The following PRKCH variants were observed in gnomAD, a reference collection of about 807,000 sequenced individuals.
The protein encoded by PRKCH is protein kinase C eta type.
PRKCH carries 28 observed loss-of-function variants against 82.5 expected under a neutral mutation model. The observed-to-expected ratio is 0.34, with a 90% CI of 0.25 to 0.47. The LOEUF is 0.47. Among genes scored for constraint, PRKCH ranks in the 20% least tolerant of loss-of-function variants. PRKCH has a pLI of 1.00. For missense variants in PRKCH, 705 were observed against 881.8 expected (o/e 0.80, Z 2.54); for synonymous variants, 322 against 327.4 (o/e 0.98, Z 0.18).
intron 10 of PRKCH, among the ~76,000 whole-genome samples, chr14:61,498,364 A>G (rs1166171590): frequency 6.6e-6 from 1 of 152,152 alleles, no homozygotes; most frequent in Non-Finnish European, 1.5e-5. Context: ...TTTCAACATG[A>G]TGTCAGAAAT....
intron 1 of PRKCH, among the ~76,000 whole-genome samples, chr14:61,270,360 A>G (rs962144491): frequency 5.3e-5 from 8 of 152,102 alleles, no homozygotes; most frequent in Non-Finnish European, 8.8e-5. Context: ...CTTTGGTGCT[A>G]TGAGTCTGTA....
chr14:61,359,450 C>A (rs2046194500), intron 1 of PRKCH, among the ~76,000 whole-genome samples: 1 of 152,184 alleles, frequency 6.6e-6, no homozygotes, highest in Non-Finnish European at 1.5e-5. Context: ...AGAACATTTT[C>A]ATATTTTAGA....
At position 61,216,469 on chromosome 14, in the gene PRKCH, C is replaced by CA. The variant is rs879803015; in HGVS notation, c.-19+28811dup. ...TGTGTGATAGAGCAAGACTCTGTCTCAAAAAAAAAACAAAAATTAAAAAAA... is the reference window on the plus strand; with the variant it reads ...TGTGTGATAGAGCAAGACTCTGTCTCAAAAAAAAAAACAAAAATTAAAAAAA... On this transcript the variant is annotated intron_variant, in intron 1 of 3. Transcript: ENST00000555185. 3.8e-3 allele frequency among the ~76,000 whole-genome samples: 517 copies of CA among 134,462 alleles called. 4 individuals carry two copies. The highest frequency in any genetic ancestry group is 0.03 in the Middle Eastern group (8 of 268). 88.2% of individuals were successfully genotyped at this position (134,462 alleles called of 152,430 possible). A position where few individuals can be genotyped will look rare whatever the true frequency, so the allele number is the denominator to read the frequency against.
intron 9 of PRKCH, among the ~76,000 whole-genome samples, chr14:61,468,440 T>C (rs1232535033): frequency 2.0e-5 from 3 of 152,226 alleles, no homozygotes; most frequent in African/African-American, 7.2e-5. Flanking sequence ...CTGAAGATTC[T>C]CTGAAGACAA....
chr14:61,410,242 A>G (rs537462133), intron 2 of PRKCH, among the ~76,000 whole-genome samples: 1 of 152,250 alleles, frequency 6.6e-6, no homozygotes, highest in South Asian at 2.1e-4. Context: ...AAATGGTGAT[A>G]TGTTAAATCC....
chr14:61,420,169 G>A (rs1377416954), intron 2 of PRKCH, among the ~76,000 whole-genome samples: 2 of 152,090 alleles, frequency 1.3e-5, no homozygotes, highest in Admixed American at 6.5e-5. Flanking sequence ...AATGGGTCAT[G>A]TGTGCCTCTG....
intron 10 of PRKCH, among the ~76,000 whole-genome samples, chr14:61,505,751 A>C (rs1887121649): frequency 6.6e-6 from 1 of 151,530 alleles, no homozygotes; most frequent in African/African-American, 2.4e-5. Flanking sequence ...CAAAGGACCC[A>C]CTTCCAAATA....
At chr14:61,409,703 C>CAAAAA (rs56238869) in intron 2 of PRKCH, among the ~76,000 whole-genome samples, 1 of 56,106 alleles carries the variant, frequency 1.8e-5, no homozygotes, top group East Asian at 6.0e-4. Flanking sequence ...GACCCTGTCT[C>CAAAAA]AAAAAAAAAA....
intron 1 of PRKCH, among the ~76,000 whole-genome samples, chr14:61,282,836 TATC>T (rs1298552440): frequency 6.6e-6 from 1 of 152,166 alleles, no homozygotes; most frequent in Non-Finnish European, 1.5e-5. Context: ...CCTCACTTCT[TATC>T]ATACCCAAAG....
intron 1 of PRKCH, among the ~76,000 whole-genome samples, chr14:61,287,136 C>A (rs1014050183): frequency 7.5e-5 from 10 of 134,216 alleles, no homozygotes; most frequent in Non-Finnish European, 6.1e-5. Flanking sequence ...ACCCGGGAAG[C>A]AGAGGTTGCA....
intron 1 of PRKCH, among the ~76,000 whole-genome samples, chr14:61,249,911 G>A (rs112750743): frequency 1.3e-5 from 2 of 150,972 alleles, no homozygotes; most frequent in African/African-American, 4.9e-5. Context: ...GAGCCACCAC[G>A]CTTGGCCCAC....
chr14:61,400,240 C>A (rs897380793), intron 2 of PRKCH, among the ~76,000 whole-genome samples: 1 of 152,132 alleles, frequency 6.6e-6, no homozygotes, highest in South Asian at 2.1e-4. Context: ...ACAGTTACCC[C>A]CTGTATCAAC....
At position 61,322,443 on chromosome 14, in the gene PRKCH, C is replaced by G; in HGVS notation, c.342C>G (p.Ala114=). The G allele has an allele frequency of 6.3e-7, 1 of 1,597,074 alleles. No homozygotes were observed. The highest frequency in any genetic ancestry group is 8.6e-7 in the Non-Finnish European group (1 of 1,166,434). The part of the protein sequence containing the change: ...QFQELLRTTG[A]SDTFEGWVDL... Reference sequence around the variant, plus strand: ...AGGAGCTGCTGCGCACGACCGGCGCCTCGGACACCTTCGAGGGTTGGGTGA... The same window carrying G: ...AGGAGCTGCTGCGCACGACCGGCGCGTCGGACACCTTCGAGGGTTGGGTGA... The change falls in exon 1 of 14, where the codon GCC becomes GCG. Residue 114 remains alanine, a synonymous_variant. Coordinates refer to ENST00000332981, the MANE Select transcript of PRKCH (RefSeq NM_006255.5).
At chr14:61,400,973 G>A (rs980952888) in intron 2 of PRKCH, among the ~76,000 whole-genome samples, 2 of 152,100 alleles carry the variant, frequency 1.3e-5, no homozygotes, top group Non-Finnish European at 2.9e-5. Context: ...GGGTGGGGGG[G>A]CAGCATTTTA....
chr14:61,192,018 TTGTGTGTG>T (rs67540297), intron 1 of PRKCH, among the ~76,000 whole-genome samples: 5,036 of 148,708 alleles, frequency 0.034, 277 homozygotes, highest in African/African-American at 0.12. Context: ...TCCTAAAACA[TTGTGTGTG>T]TGTGTGTGTG....
intron 1 of PRKCH, among the ~76,000 whole-genome samples, chr14:61,308,312 G>C (rs1201324123): frequency 6.6e-6 from 1 of 152,194 alleles, no homozygotes; most frequent in Non-Finnish European, 1.5e-5. Context: ...ATCTAAAACG[G>C]AGTCCAAGTT....
intron 1 of PRKCH, among the ~76,000 whole-genome samples, chr14:61,370,728 T>C (rs2046355441): frequency 6.6e-6 from 1 of 152,126 alleles, no homozygotes; most frequent in Non-Finnish European, 1.5e-5. Context: ...GCTCTCTGTA[T>C]TTCTGTCTTC....
At chr14:61,257,335 T>G (rs1594877618) in intron 1 of PRKCH, among the ~76,000 whole-genome samples, 1 of 152,080 alleles carries the variant, frequency 6.6e-6, no homozygotes, top group Non-Finnish European at 1.5e-5. Flanking sequence ...GAGGTCAGGG[T>G]TAACACCGAT....
chr14:61,358,447 C>A (rs1734605395), intron 1 of PRKCH, among the ~76,000 whole-genome samples: 1 of 152,174 alleles, frequency 6.6e-6, no homozygotes, highest in Admixed American at 6.5e-5. Context: ...GATTTCTAAT[C>A]ACTGTTTACT....
Sources: gnomAD v4.1 joint callset for allele counts (sites outside exome capture counted in the v4.1 genomes callset) on GRCh38, gnomAD v4.1.1 for gene constraint, MANE v1.5 for transcripts, NCBI Gene and HGNC (gene_info 2026-07-23, HGNC 2026-07-21) for gene names.